Variants in DUSP16 observed in about 807,000 individuals in gnomAD.
The protein encoded by DUSP16 is dual specificity protein phosphatase 16.
Under a neutral mutation model 58.3 loss-of-function variants are expected in DUSP16, and 21 were observed. That is an observed-to-expected ratio of 0.36 (90% CI 0.26 to 0.52). The LOEUF (loss-of-function observed/expected upper bound fraction) is 0.52. Ranked by LOEUF, DUSP16 falls within the 20% of genes least tolerant of loss-of-function variation. The pLI, the probability that DUSP16 is intolerant of heterozygous loss-of-function variation, is 0.94. For synonymous variants in DUSP16, 320 were observed against 323.8 expected (o/e 0.99, Z 0.12); for missense variants, 726 against 819.0 (o/e 0.89, Z 1.39).
chr12:12,478,599 G>C (rs1943504214), intron 6 of DUSP16, among the ~76,000 whole-genome samples: 1 of 152,120 alleles, frequency 6.6e-6, no homozygotes, highest in African/African-American at 2.4e-5. Context: ...GCCTCCCAAA[G>C]TGCTGGGACT....
chr12:12,531,888 G>C (rs1944392130), intron 1 of DUSP16, among the ~76,000 whole-genome samples: 1 of 151,966 alleles, frequency 6.6e-6, no homozygotes, highest in Non-Finnish European at 1.5e-5. Context: ...GCCGGGCGCG[G>C]TGGCTCACGC....
chr12:12,551,686 T>G (rs1178222740), intron 1 of DUSP16, among the ~76,000 whole-genome samples: 2 of 144,144 alleles, frequency 1.4e-5, no homozygotes, highest in Non-Finnish European at 3.1e-5. Flanking sequence ...CAGAACTTAG[T>G]AAACCTTTTT....
intron 1 of DUSP16, among the ~76,000 whole-genome samples, chr12:12,534,893 GATC>G (rs1422904870): frequency 1.3e-5 from 2 of 152,158 alleles, no homozygotes; most frequent in African/African-American, 4.8e-5. Flanking sequence ...ACTAAGTAAA[GATC>G]ATCAATTCAA....
chr12:12,553,574 A>T (rs1431138672), intron 1 of DUSP16, among the ~76,000 whole-genome samples: 1 of 152,070 alleles, frequency 6.6e-6, no homozygotes, highest in Non-Finnish European at 1.5e-5. Context: ...ACAGGGTCTC[A>T]CTCTGTTGCC....
chr12:12,504,376 C>A (rs1231474233), intron 3 of DUSP16, among the ~76,000 whole-genome samples: 1 of 152,094 alleles, frequency 6.6e-6, no homozygotes, highest in East Asian at 1.9e-4. Flanking sequence ...ATCCTCCCAC[C>A]TCAGCTTCCC....
chr12:12,507,344 C>A (rs1944011811), intron 3 of DUSP16, among the ~76,000 whole-genome samples: 1 of 152,082 alleles, frequency 6.6e-6, no homozygotes, highest in African/African-American at 2.4e-5. Context: ...CCACTCATGC[C>A]TTCATTTAAA....
At chr12:12,481,225 C>T (rs1592162886) in intron 5 of DUSP16, among the ~76,000 whole-genome samples, 1 of 152,150 alleles carries the variant, frequency 6.6e-6, no homozygotes, top group East Asian at 1.9e-4. Flanking sequence ...GAAGGACTCA[C>T]GGACACTTTG....
rs781091367 is a variant in DUSP16, at chr12:12,477,066, T to C, written c.1765A>G (p.Thr589Ala). The C allele has an allele frequency of 3.7e-6, 6 of 1,614,120 alleles. No homozygotes were observed. The South Asian group carries it at 6.6e-5, about 18-fold the overall frequency. ...ACAGAATAGACTTGGTCTCCGCAAG[T>C]GGGCAGCTGGCTGCAGCTGTAGGCA... Reference protein sequence around the residue: ...YSAYSCSQLPTCGDQVYSVRR... With the variant: ...YSAYSCSQLPACGDQVYSVRR... Residue 589 changes from threonine to alanine, a missense_variant, in exon 7 of 7, where the codon ACT (threonine) becomes GCT (alanine). Physicochemically the swap from Thr to Ala is moderately conservative, Grantham distance 58 (BLOSUM62 0). Coordinates refer to ENST00000298573, the MANE Select transcript of DUSP16 (RefSeq NM_030640.3). The surrounding 1 kb of genome is among the most constrained non-coding windows in gnomAD (Gnocchi z 4.1).
Position 12,541,131 on chromosome 12 carries a change from C to G in DUSP16, c.-365-19668G>C, listed in dbSNP as rs73293641. 3.9e-3 allele frequency among the ~76,000 whole-genome samples: 597 copies of G among 151,658 alleles called. 9 individuals are homozygous for G. Among genetic ancestry groups the G allele is most frequent in the African/African-American group, 0.014 (562 of 41,374 alleles). The stretch of plus-strand genomic sequence containing the variant: ...ACACCATCACGCCTGGCTAATTTCT[C>G]TATTTTTAGTAGAGCTGGAGTTTCA... On this transcript the variant is annotated intron_variant, in intron 1 of 6. Transcript: ENST00000298573.
intron 4 of DUSP16, among the ~76,000 whole-genome samples, chr12:12,499,437 TAAC>T (rs1476552033): frequency 5.3e-5 from 8 of 152,318 alleles, no homozygotes; most frequent in African/African-American, 1.9e-4. Flanking sequence ...GCAGACATAT[TAAC>T]AACACAGTGT....
At chr12:12,553,843 T>C (rs1358037110) in intron 1 of DUSP16, among the ~76,000 whole-genome samples, 1 of 152,088 alleles carries the variant, frequency 6.6e-6, no homozygotes, top group African/African-American at 2.4e-5. Flanking sequence ...CCTCTTACGA[T>C]GTGTCTATGA....
intron 1 of DUSP16, among the ~76,000 whole-genome samples, chr12:12,550,961 T>A: frequency 6.6e-6 from 1 of 152,098 alleles, no homozygotes. Flanking sequence ...TTTTAAAACG[T>A]CAACTCTTGA....
At chr12:12,502,951 A>G (rs1943931203) in intron 3 of DUSP16, among the ~76,000 whole-genome samples, 1 of 152,152 alleles carries the variant, frequency 6.6e-6, no homozygotes, top group Non-Finnish European at 1.5e-5. Flanking sequence ...CACGGTACAT[A>G]CAGCATACAC....
chr12:12,512,145 G>A (rs1944088105), intron 3 of DUSP16, among the ~76,000 whole-genome samples: 1 of 152,164 alleles, frequency 6.6e-6, no homozygotes, highest in Non-Finnish European at 1.5e-5. Flanking sequence ...CATGCCAACT[G>A]AGACTCAGAA....
At chr12:12,509,093 C>T (rs766321128) in intron 3 of DUSP16, among the ~76,000 whole-genome samples, 3 of 152,172 alleles carry the variant, frequency 2.0e-5, no homozygotes, top group Non-Finnish European at 4.4e-5. Flanking sequence ...TCCTCTTAAA[C>T]GTCCTGAAAC....
At chr12:12,506,054 C>T (rs1156709786) in intron 3 of DUSP16, 2 of 152,220 alleles carry the variant, frequency 1.3e-5, no homozygotes, top group South Asian at 2.1e-4. Flanking sequence ...CTGCTGACAT[C>T]CTCCTTCATT....
At chr12:12,499,934 A>G (rs1021644778) in intron 4 of DUSP16, among the ~76,000 whole-genome samples, 2 of 151,624 alleles carry the variant, frequency 1.3e-5, no homozygotes, top group South Asian at 2.1e-4. Flanking sequence ...TTTGTCCAGT[A>G]GGGCCCGTGT....
chr12:12,506,488 T>C (rs1277847960), intron 3 of DUSP16, among the ~76,000 whole-genome samples: 2 of 152,226 alleles, frequency 1.3e-5, no homozygotes, highest in African/African-American at 4.8e-5. Context: ...TTTGCGCCTA[T>C]TTTTTAAAGT....
intron 1 of DUSP16, among the ~76,000 whole-genome samples, chr12:12,532,651 G>A (rs1013824722): frequency 6.7e-6 from 1 of 148,844 alleles, no homozygotes; most frequent in Non-Finnish European, 1.5e-5. Context: ...GGTGGGCAAA[G>A]GTTAAGAAGA....
Sources: allele counts gnomAD v4.1 joint callset (sites outside exome capture counted in the v4.1 genomes callset), GRCh38; gene constraint gnomAD v4.1.1; non-coding constraint Gnocchi (gnomAD v3.1); transcripts MANE v1.5; gene names NCBI Gene and HGNC (gene_info 2026-07-23, HGNC 2026-07-21).